Variants in GAN observed in about 807,000 individuals in gnomAD.
GAN encodes gigaxonin.
A neutral mutation model predicts 71.3 loss-of-function variants in GAN; 48 were observed. The observed-to-expected ratio is 0.67, with a 90% CI of 0.53 to 0.86. The LOEUF (loss-of-function observed/expected upper bound fraction) is 0.86, where lower values mean the gene tolerates loss of function less well. GAN is among the 40% of genes least tolerant of loss of function. The pLI is 0.00. For missense variants in GAN, 928 were observed against 770.1 expected (o/e 1.21, Z -2.43); for synonymous variants, 386 against 276.8 (o/e 1.39, Z -3.92).
intron 1 of GAN, among the ~76,000 whole-genome samples, chr16:81,350,700 G>A (rs574018457): frequency 6.6e-6 from 1 of 152,026 alleles, no homozygotes; most frequent in Non-Finnish European, 1.5e-5. Flanking sequence ...TGCATTTTTA[G>A]TAGAGATGGG....
intron 1 of GAN, among the ~76,000 whole-genome samples, chr16:81,337,793 A>G (rs1909813420): frequency 1.3e-5 from 2 of 152,220 alleles, no homozygotes; most frequent in African/African-American, 4.8e-5. Context: ...CTTTAATAGA[A>G]CAGAAGAACA....
chr16:81,334,199 A>T (rs1311015432), intron 1 of GAN, among the ~76,000 whole-genome samples: 2 of 152,188 alleles, frequency 1.3e-5, no homozygotes, highest in Non-Finnish European at 2.9e-5. Context: ...AAAGTGGATG[A>T]TGTGATATCA....
At chr16:81,327,079 T>G (rs946886587) in intron 1 of GAN, among the ~76,000 whole-genome samples, 2 of 152,182 alleles carry the variant, frequency 1.3e-5, no homozygotes, top group Admixed American at 1.3e-4. Context: ...TTGGACTGTT[T>G]TAGATGGCAT....
In GAN at chr16:81,354,625, A is replaced by G. The variant is rs1336332122; in HGVS notation, c.503A>G (p.Glu168Gly). The change falls in exon 3 of 11, where the codon GAA (glutamate) becomes GGA (glycine). Residue 168 changes from glutamate to glycine, a missense_variant. Physicochemically the swap from Glu to Gly is moderately conservative, Grantham distance 98 (BLOSUM62 -2). Transcript: ENST00000648994. ...ETHFRDVSST[E>G]EFLELSPQKL... ...CATTTCCGAGACGTCAGCAGCACGG[A>G]AGAATTCTTAGAGCTGAGTCCTCAA... 1.2e-6 allele frequency: 2 copies of G among 1,613,956 alleles called. No individual in the cohort carries two copies. The highest frequency in any genetic ancestry group is 2.2e-5 in the East Asian group (1 of 44,888).
At chr16:81,376,499 G>GTGTGTGTGTA (rs1904280539) in intron 9 of GAN, among the ~76,000 whole-genome samples, 1 of 145,100 alleles carries the variant, frequency 6.9e-6, no homozygotes, top group African/African-American at 2.8e-5. Flanking sequence ...GTGTGTGTGT[G>GTGTGTGTGTA]TGTGTGTGTG....
intron 1 of GAN, among the ~76,000 whole-genome samples, chr16:81,328,035 G>A (rs543530981): frequency 1.3e-5 from 2 of 152,258 alleles, no homozygotes; most frequent in Non-Finnish European, 2.9e-5. Flanking sequence ...ACCAGTTGCT[G>A]CGTCATCGTT....
intron 4 of GAN, 57 bp downstream of exon 4, chr16:81,357,059 G>C (rs1910514428): frequency 9.9e-7 from 1 of 1,014,564 alleles, no homozygotes; most frequent in South Asian, 1.3e-5. Context: ...GTAGTTCCAT[G>C]TAAACAAGAA....
Position 81,332,162 on chromosome 16 carries a change from A to C in GAN, c.167+16882A>C, listed in dbSNP as rs76033864. On this transcript the variant is annotated intron_variant, in intron 1 of 10. Transcript: ENST00000648994. ...GGCAACGAGAGGGAAAATCTGTCTC[A>C]AAAAAAAAAAAAAAGAAAAAGAAAA... Among the ~76,000 whole-genome samples the C allele has an allele frequency of 1.3e-3, 131 of 99,902 alleles. 1 individual carries two copies. The highest frequency in any genetic ancestry group is 4.9e-3 in the East Asian group (6 of 1,226). 65.5% of individuals were successfully genotyped at this position (99,902 alleles called of 152,430 possible).
intron 1 of GAN, among the ~76,000 whole-genome samples, chr16:81,329,090 G>T (rs955594769): frequency 2.0e-5 from 3 of 152,112 alleles, no homozygotes; most frequent in African/African-American, 4.8e-5. Flanking sequence ...ATCTTCTGTA[G>T]AGCAAAGATT....
chr16:81,357,051 A>G, intron 4 of GAN, 49 bp downstream of exon 4: 1 of 1,057,390 alleles, frequency 9.5e-7, no homozygotes, highest in Non-Finnish European at 1.5e-6. Flanking sequence ...GGGAAGAGGT[A>G]GTTCCATGTA....
chr16:81,364,815 A>G (rs1174149866), intron 7 of GAN, among the ~76,000 whole-genome samples, 159 bp from the exon 8 acceptor site: 1 of 152,238 alleles, frequency 6.6e-6, no homozygotes. Context: ...TCTCATTTTA[A>G]AGTCCGGTGT....
At chr16:81,365,290 C>G in intron 8 of GAN, 60 bp from the exon 9 acceptor site, 4 of 1,610,294 alleles carry the variant, frequency 2.5e-6, no homozygotes, top group Non-Finnish European at 3.4e-6. Context: ...AAGAGGAACG[C>G]GGGAGTGAGA....
intron 1 of GAN, among the ~76,000 whole-genome samples, chr16:81,320,214 G>A (rs1029895330): frequency 1.6e-4 from 24 of 152,330 alleles, no homozygotes; most frequent in African/African-American, 5.3e-4. Context: ...TAGGATCTCT[G>A]TAGGAGGTCC....
chr16:81,329,165 G>C (rs1240000952), intron 1 of GAN, among the ~76,000 whole-genome samples: 1 of 151,934 alleles, frequency 6.6e-6, no homozygotes, highest in Non-Finnish European at 1.5e-5. Context: ...TTCTCCTGTT[G>C]TTTGTTCTCT....
chr16:81,330,648 T>C (rs1160955982), intron 1 of GAN, among the ~76,000 whole-genome samples: 3 of 152,250 alleles, frequency 2.0e-5, no homozygotes, highest in South Asian at 2.1e-4. Flanking sequence ...ACCACAGTTA[T>C]TGTTGCAGAC....
intron 1 of GAN, among the ~76,000 whole-genome samples, chr16:81,350,776 C>T (rs934286733): frequency 2.6e-5 from 4 of 152,186 alleles, no homozygotes; most frequent in Non-Finnish European, 4.4e-5. Flanking sequence ...ACCTCGGCCT[C>T]CCAAAGTGTT....
Position 81,348,045 on chromosome 16 carries a change from G to T in GAN, c.168-3538G>T, listed in dbSNP as rs183317489. Among the ~76,000 whole-genome samples the T allele has an allele frequency of 2.0e-5, 3 of 151,946 alleles. No individual in the cohort carries two copies. In the South Asian group the frequency reaches 6.2e-4, roughly 32 times the overall value. On this transcript the variant is annotated intron_variant, in intron 1 of 10. Transcript: ENST00000648994. ...AAATTTTAAAAAAAATAGAGGTGGGGTGTCGCTGTGTTGCCCAGTCTGGTC... is the reference window on the plus strand; with the variant it reads ...AAATTTTAAAAAAAATAGAGGTGGGTTGTCGCTGTGTTGCCCAGTCTGGTC...
At chr16:81,327,475 G>A (rs1909428065) in intron 1 of GAN, among the ~76,000 whole-genome samples, 1 of 152,188 alleles carries the variant, frequency 6.6e-6, no homozygotes, top group African/African-American at 2.4e-5. Flanking sequence ...AAAGGAAAAA[G>A]GGGGCAGTCT....
Position 81,357,910 on chromosome 16 carries a change from A to G in GAN, c.952A>G (p.Asn318Asp), listed in dbSNP as rs1910545091. ...GGCCCCTTTAAGCATGCCGAGAATTAACCATGGAGTTCTCTCAGCAGGTAC... is the reference window on the plus strand; with the variant it reads ...GGCCCCTTTAAGCATGCCGAGAATTGACCATGGAGTTCTCTCAGCAGGTAC... ...ELAPLSMPRI[N>D]HGVLSAEGFL... is the part of the protein sequence containing the mutation. The change falls in exon 5 of 11, where the codon AAC becomes GAC. Residue 318 changes from asparagine to aspartate, a missense_variant. Coordinates refer to ENST00000648994, the MANE Select transcript of GAN (RefSeq NM_022041.4). The G allele has an allele frequency of 1.2e-6, 2 of 1,613,750 alleles. No individual in the cohort carries two copies. The highest frequency in any genetic ancestry group is 2.7e-5 in the African/African-American group (2 of 74,910).
Sources: gnomAD v4.1 joint callset for allele counts (sites outside exome capture counted in the v4.1 genomes callset) on GRCh38, gnomAD v4.1.1 for gene constraint, MANE v1.5 for transcripts, NCBI Gene and HGNC (gene_info 2026-07-23, HGNC 2026-07-21) for gene names.